ALPL: variants seen among roughly 807,000 people sequenced by gnomAD.
ALPL encodes alkaline phosphatase, tissue-nonspecific isozyme.
In ALPL, 42 loss-of-function variants were observed where a neutral mutation model predicts 51.3. The observed-to-expected ratio is 0.82, with a 90% CI of 0.64 to 1.06. The LOEUF (loss-of-function observed/expected upper bound fraction) is 1.06, where lower values mean the gene tolerates loss of function less well. Ranked by LOEUF, ALPL falls within the 50% of genes least tolerant of loss-of-function variation. The pLI, the probability that ALPL is intolerant of heterozygous loss-of-function variation, is 0.00. For synonymous variants in ALPL, 279 were observed against 296.4 expected (o/e 0.94, Z 0.60); for missense variants, 589 against 709.4 (o/e 0.83, Z 1.93).
intron 1 of ALPL, among the ~76,000 whole-genome samples, chr1:21,547,807 G>A (rs1644272423): frequency 2.0e-5 from 3 of 152,222 alleles, no homozygotes. Context: ...ACAGCATGGG[G>A]CTGAGTGGAA....
At chr1:21,526,861 A>G (rs1643950316) in intron 1 of ALPL, among the ~76,000 whole-genome samples, 1 of 152,100 alleles carries the variant, frequency 6.6e-6, no homozygotes, top group Non-Finnish European at 1.5e-5. Flanking sequence ...CAAAGACAAG[A>G]TTAGCATTTT....
rs889640594 is a variant in ALPL at position 21,563,163 on chromosome 1, C to T, written c.351C>T (p.Tyr117=). 1 of 1,613,796 alleles carries T rather than the reference C, an allele frequency of 6.2e-7. No homozygotes were observed. The highest frequency in any genetic ancestry group is 1.3e-5 in the African/African-American group (1 of 74,942). ...VPDSAGTATA[Y]LCGVKANEGT... ...ACAGTGCCGGCACCGCCACCGCCTACCTGTGTGGGGTGAAGGCCAATGAGG... is the reference window on the plus strand; with the variant it reads ...ACAGTGCCGGCACCGCCACCGCCTATCTGTGTGGGGTGAAGGCCAATGAGG... The change falls in exon 5 of 12, where the codon TAC becomes TAT. Residue 117 remains tyrosine (Y), a synonymous_variant. Transcript: ENST00000374840.
chr1:21,549,237 C>T (rs995041092), intron 1 of ALPL, among the ~76,000 whole-genome samples: 6 of 152,194 alleles, frequency 3.9e-5, no homozygotes, highest in African/African-American at 7.2e-5. Flanking sequence ...TAGGTGAGCA[C>T]GTCAAGTTTG....
At chr1:21,570,114 C>G (rs1644624707) in intron 7 of ALPL, among the ~76,000 whole-genome samples, 191 bp from the exon 8 acceptor site, 1 of 152,200 alleles carries the variant, frequency 6.6e-6, no homozygotes, top group African/African-American at 2.4e-5. Context: ...AATTCTCATC[C>G]CCTTGCATTA....
intron 2 of ALPL, among the ~76,000 whole-genome samples, chr1:21,555,838 T>G (rs1367079587): frequency 2.0e-5 from 3 of 152,236 alleles, no homozygotes; most frequent in African/African-American, 7.2e-5. Context: ...TGGCGCAATC[T>G]TGGCTCACTG....
At chr1:21,556,971 C>T (rs1459653557) in intron 2 of ALPL, among the ~76,000 whole-genome samples, 3 of 152,186 alleles carry the variant, frequency 2.0e-5, no homozygotes, top group Non-Finnish European at 4.4e-5. Context: ...CAGCCTGAAC[C>T]TGTACCTGGC....
intron 1 of ALPL, among the ~76,000 whole-genome samples, chr1:21,520,942 GTC>G (rs922420561): frequency 5.3e-5 from 8 of 152,190 alleles, no homozygotes; most frequent in African/African-American, 1.9e-4. Context: ...TGTGTCTCCA[GTC>G]TCTCTCATCG....
intron 6 of ALPL, among the ~76,000 whole-genome samples, chr1:21,566,761 C>T (rs532687074): frequency 4.6e-5 from 7 of 151,450 alleles, no homozygotes; most frequent in Non-Finnish European, 8.8e-5. Flanking sequence ...GGCTAAGTTT[C>T]GAAACAAATT....
intron 9 of ALPL, chr1:21,574,217 A>G: frequency 1.0e-6 from 1 of 985,366 alleles, no homozygotes; most frequent in South Asian, 4.7e-5. Flanking sequence ...GACAGACCTG[A>G]ATTCTTGGCC....
At chr1:21,528,424 C>G (rs562035481) in intron 1 of ALPL, among the ~76,000 whole-genome samples, 1 of 150,260 alleles carries the variant, frequency 6.7e-6, no homozygotes, top group African/African-American at 2.5e-5. Context: ...CTCAGCTCAC[C>G]GCAACCTCTG....
At chr1:21,568,269 T>A (rs1644596411) in intron 7 of ALPL, 22 bp downstream of exon 7, 4 of 1,613,688 alleles carry the variant, frequency 2.5e-6, no homozygotes. Context: ...TGGGGCCATG[T>A]GGCTGCAGAG....
At chr1:21,531,064 G>A (rs1644023535) in intron 1 of ALPL, among the ~76,000 whole-genome samples, 1 of 149,180 alleles carries the variant, frequency 6.7e-6, no homozygotes, top group African/African-American at 2.5e-5. Flanking sequence ...AGCAATTCTC[G>A]TGCCTCAGCC....
intron 1 of ALPL, 63 bp from the exon 2 acceptor site, chr1:21,553,915 A>G: frequency 1.5e-6 from 1 of 678,242 alleles, no homozygotes; most frequent in South Asian, 1.6e-5. Flanking sequence ...TGAATAAGTG[A>G]GTGAAAAAGG....
intron 1 of ALPL, among the ~76,000 whole-genome samples, chr1:21,536,882 G>T (rs1440169682): frequency 1.4e-5 from 2 of 146,466 alleles, no homozygotes; most frequent in East Asian, 2.1e-4. Context: ...GATTTGCAAG[G>T]TTCCTTCCCT....
At chr1:21,538,442 T>TG (rs1644138708) in intron 1 of ALPL, among the ~76,000 whole-genome samples, 1 of 152,200 alleles carries the variant, frequency 6.6e-6, no homozygotes, top group South Asian at 2.1e-4. Context: ...GCACTGTCTC[T>TG]GGGAACACCC....
chr1:21,532,068 G>A (rs1644038126), intron 1 of ALPL, among the ~76,000 whole-genome samples: 1 of 152,144 alleles, frequency 6.6e-6, no homozygotes, highest in Non-Finnish European at 1.5e-5. Context: ...CAAGGAGCGT[G>A]TGGATTCCCC....
chr1:21,563,250 G>T lies in ALPL; in HGVS notation c.438G>T (p.Glu146Asp), dbSNP rs1249349662. 6.2e-7 allele frequency: 1 copy of T among 1,613,586 alleles called. No homozygotes were observed. The highest frequency in any genetic ancestry group is 8.5e-7 in the Non-Finnish European group (1 of 1,179,820). ...RSRCNTTQGN[E>D]VTSILRWAKD... ...GGTGCAACACCACCCAGGGGAACGA[G>T]GTCACCTCCATCCTGCGCTGGGCCA... is the stretch of plus-strand genomic sequence containing the variant. The change falls in exon 5 of 12, where the codon GAG becomes GAT. Residue 146 changes from glutamate to aspartate, a missense_variant. Coordinates refer to ENST00000374840, the MANE Select transcript of ALPL (RefSeq NM_000478.6).
In ALPL at chr1:21,549,243, G is replaced by A. The variant is rs55708111; in HGVS notation, c.-104-4735G>A. Among the ~76,000 whole-genome samples, 430 of 152,288 alleles carry A rather than the reference G, an allele frequency of 2.8e-3. 3 individuals carry two copies. Among genetic ancestry groups the A allele is most frequent in the East Asian group, 0.027 (138 of 5,188 alleles). ...CCCTCTCCCTAGGTGAGCACGTCAAGTTTGATCAGGGTGTTAACTGCCACC... is the reference window on the plus strand; with the variant it reads ...CCCTCTCCCTAGGTGAGCACGTCAAATTTGATCAGGGTGTTAACTGCCACC... On this transcript the variant is annotated intron_variant, in intron 1 of 11. Coordinates refer to ENST00000374840, the MANE Select transcript of ALPL (RefSeq NM_000478.6).
intron 1 of ALPL, among the ~76,000 whole-genome samples, chr1:21,538,560 C>G (rs965240276): frequency 6.6e-6 from 1 of 152,196 alleles, no homozygotes; most frequent in Non-Finnish European, 1.5e-5. Context: ...TTTCCCACAG[C>G]CCGGCGCCTC....
Sources: gnomAD v4.1 joint callset for allele counts (sites outside exome capture counted in the v4.1 genomes callset) on GRCh38, gnomAD v4.1.1 for gene constraint, MANE v1.5 for transcripts, NCBI Gene and HGNC (gene_info 2026-07-23, HGNC 2026-07-21) for gene names.